Variants in CEP85L observed in about 807,000 individuals in gnomAD.
The protein encoded by CEP85L is centrosomal protein of 85 kDa-like.
In CEP85L, 60 loss-of-function variants were observed where a neutral mutation model predicts 100.3. The observed-to-expected ratio is 0.60, with a 90% CI of 0.49 to 0.74. CEP85L has a LOEUF of 0.74. Among genes scored for constraint, CEP85L ranks in the 30% least tolerant of loss-of-function variants. The pLI, the probability that CEP85L is intolerant of heterozygous loss-of-function variation, is 0.00. For missense variants in CEP85L, 973 were observed against 936.2 expected (o/e 1.04, Z -0.51); for synonymous variants, 319 against 322.7 (o/e 0.99, Z 0.12).
intron 1 of CEP85L, among the ~76,000 whole-genome samples, chr6:118,670,797 C>A (rs1326848542): frequency 6.6e-6 from 1 of 152,138 alleles, no homozygotes; most frequent in East Asian, 1.9e-4. Flanking sequence ...AATATGCCTA[C>A]TGACCTTAAA....
rs769956781 is a variant in CEP85L at position 118,680,272 on chromosome 6, A to T, written c.-27-27464T>A. Among the ~76,000 whole-genome samples the T allele has an allele frequency of 3.7e-5, 3 of 80,054 alleles. No individual in the cohort carries two copies. In the Admixed American group the frequency reaches 3.8e-4, roughly 10 times the overall value. 52.5% of individuals were successfully genotyped at this position (80,054 alleles called of 152,430 possible). A position where few individuals can be genotyped will look rare whatever the true frequency, so the allele number is the denominator to read the frequency against. The stretch of plus-strand genomic sequence containing the variant: ...CATACCACTACACTCCAGCCTGGGG[A>T]AAAAAAAAAAAAAAGAATCTTTCCT... On this transcript the variant is annotated intron_variant, in intron 1 of 13. Transcript: ENST00000368488.
rs1772393847 is a variant in CEP85L at position 118,464,667 on chromosome 6, A to G, written c.*738T>C. On this transcript the variant is annotated 3_prime_UTR_variant, in exon 13 of 13. Transcript: ENST00000368491. ...TGTTAAAATTAGTTCAAGTTATGTT[A>G]ACCTTTCTTGTAACACATACATTAC... is the stretch of plus-strand genomic sequence containing the variant. 1 of 152,060 alleles carries G rather than the reference A, an allele frequency of 6.6e-6. No homozygotes were observed. The highest frequency in any genetic ancestry group is 1.5e-5 in the Non-Finnish European group (1 of 67,988). 9.4% of individuals were successfully genotyped at this position (152,060 alleles called of 1,614,324 possible).
chr6:118,631,892 A>G (rs1274772497), intron 2 of CEP85L, among the ~76,000 whole-genome samples: 1 of 152,260 alleles, frequency 6.6e-6, no homozygotes, highest in Admixed American at 6.5e-5. Flanking sequence ...TACCCTGGTT[A>G]CAACACTATT....
intron 1 of CEP85L, among the ~76,000 whole-genome samples, chr6:118,701,459 T>C (rs1027965676): frequency 5.3e-5 from 8 of 152,202 alleles, no homozygotes; most frequent in Admixed American, 2.6e-4. Context: ...AAGAACAAGT[T>C]CGTGTCCTTT....
Position 118,542,663 on chromosome 6 carries a change from C to T in CEP85L, c.1021-18743G>A, listed in dbSNP as rs188719045. Among the ~76,000 whole-genome samples, 405 of 151,998 alleles carry T rather than the reference C, an allele frequency of 2.7e-3. 6 individuals are homozygous for T. Among genetic ancestry groups the T allele is most frequent in the Admixed American group, 0.025 (375 of 15,258 alleles). Reference sequence around the variant, plus strand: ...GAGAATGACAGTTCCAATTCAACTCCTCATTAATATTCCTTGACCAACCTT... The same window carrying T: ...GAGAATGACAGTTCCAATTCAACTCTTCATTAATATTCCTTGACCAACCTT... On this transcript the variant is annotated intron_variant, in intron 3 of 12. Transcript: ENST00000368491.
intron 3 of CEP85L, among the ~76,000 whole-genome samples, chr6:118,538,314 T>A (rs896385531): frequency 5.3e-5 from 8 of 151,886 alleles, no homozygotes; most frequent in African/African-American, 1.9e-4. Flanking sequence ...CATCCTAATA[T>A]GATTTACTGA....
chr6:118,506,523 A>C (rs1281018908), intron 5 of CEP85L, among the ~76,000 whole-genome samples: 1 of 152,232 alleles, frequency 6.6e-6, no homozygotes, highest in Non-Finnish European at 1.5e-5. Flanking sequence ...CTGCTAATGT[A>C]GTAGGTAACC....
At chr6:118,653,989 T>G (rs963582553), upstream of CEP85L, among the ~76,000 whole-genome samples, 1 of 152,228 alleles carries the variant, frequency 6.6e-6, no homozygotes, top group African/African-American at 2.4e-5. Flanking sequence ...ATTCTTAAAT[T>G]TGTATATAAA....
At chr6:118,588,345 G>T (rs1291432854) in intron 2 of CEP85L, among the ~76,000 whole-genome samples, 1 of 152,140 alleles carries the variant, frequency 6.6e-6, no homozygotes, top group Non-Finnish European at 1.5e-5. Flanking sequence ...AATGAGGATG[G>T]AAGGCAACTG....
rs577329275 is a variant in CEP85L, at chr6:118,536,339, T to C, written c.1021-12419A>G. Among the ~76,000 whole-genome samples, 95 of 152,272 alleles carry C rather than the reference T, an allele frequency of 6.2e-4. No homozygotes were observed. In the Middle Eastern group the frequency reaches 0.014, roughly 22 times the overall value. The stretch of plus-strand genomic sequence containing the variant: ...ACTGAGAAGAGTCACAAGCTAAACC[T>C]ACTGGGCATTAGAAATTTTGTATCC... On this transcript the variant is annotated intron_variant, in intron 3 of 12. Coordinates refer to ENST00000368491, the MANE Select transcript of CEP85L (RefSeq NM_001042475.3).
At chr6:118,491,240 T>TGC (rs1296713242) in intron 6 of CEP85L, among the ~76,000 whole-genome samples, 26 of 120,374 alleles carry the variant, frequency 2.2e-4, no homozygotes, top group Non-Finnish European at 3.3e-4. Context: ...CACACACACA[T>TGC]ATGCATGCAT....
chr6:118,469,656 G>A (rs1772792662), intron 11 of CEP85L, among the ~76,000 whole-genome samples: 2 of 152,082 alleles, frequency 1.3e-5, no homozygotes, highest in Admixed American at 6.6e-5. Context: ...GGAGTACAGT[G>A]GCGCAATCAT....
At chr6:118,501,486 T>C in intron 5 of CEP85L, 2 of 440,984 alleles carry the variant, frequency 4.5e-6, no homozygotes, top group South Asian at 1.7e-5. Flanking sequence ...CTTTTCGTTT[T>C]CTGTGATTTT....
At chr6:118,494,932 A>G (rs1388160406) in intron 5 of CEP85L, among the ~76,000 whole-genome samples, 2 of 152,190 alleles carry the variant, frequency 1.3e-5, no homozygotes, top group Non-Finnish European at 2.9e-5. Context: ...TAGACAGTAT[A>G]CAAGAACATA....
chr6:118,615,110 A>C (rs555724941), intron 2 of CEP85L, among the ~76,000 whole-genome samples: 35 of 152,332 alleles, frequency 2.3e-4, no homozygotes, highest in African/African-American at 8.2e-4. Context: ...AATCTAAATA[A>C]ATGAAGAACA....
intron 10 of CEP85L, among the ~76,000 whole-genome samples, chr6:118,477,167 G>A (rs375055916): frequency 3.3e-5 from 5 of 151,990 alleles, no homozygotes; most frequent in Admixed American, 6.6e-5. Context: ...AAATAAGGGC[G>A]ACATTTCTAA....
At chr6:118,620,744 C>T (rs528100519) in intron 2 of CEP85L, among the ~76,000 whole-genome samples, 1 of 152,306 alleles carries the variant, frequency 6.6e-6, no homozygotes, top group African/African-American at 2.4e-5. Flanking sequence ...CAGTGTTAAT[C>T]TCCTGCCCTA....
chr6:118,644,811 A>G (rs1466100562), intron 1 of CEP85L, among the ~76,000 whole-genome samples: 1 of 152,098 alleles, frequency 6.6e-6, no homozygotes, highest in Non-Finnish European at 1.5e-5. Context: ...CTCTCACCTA[A>G]TAACTGCAAT....
At chr6:118,555,834 T>C (rs1348602519) in intron 3 of CEP85L, among the ~76,000 whole-genome samples, 1 of 150,204 alleles carries the variant, frequency 6.7e-6, no homozygotes, top group African/African-American at 2.5e-5. Flanking sequence ...CCAGCGTCTG[T>C]TGTTTCCTTC....
Sources: allele counts gnomAD v4.1 joint callset (sites outside exome capture counted in the v4.1 genomes callset), GRCh38; gene constraint gnomAD v4.1.1; transcripts MANE v1.5; gene names NCBI Gene and HGNC (gene_info 2026-07-23, HGNC 2026-07-21).